SLC6A17: variants seen among roughly 807,000 people sequenced by gnomAD.
SLC6A17 encodes solute carrier family 6 member 17.
Under a neutral mutation model 64.5 loss-of-function variants are expected in SLC6A17, and 21 were observed. The ratio of observed to expected loss-of-function variants is 0.33; its 90% CI spans 0.23 to 0.47. The LOEUF is 0.47. Among genes scored for constraint, SLC6A17 ranks in the 20% least tolerant of loss-of-function variants. SLC6A17 has a pLI of 1.00. For synonymous variants in SLC6A17, 372 were observed against 399.5 expected (o/e 0.93, Z 0.82); for missense variants, 682 against 963.2 (o/e 0.71, Z 3.86).
chr1:110,172,711 A>C (rs1405184882), intron 3 of SLC6A17, among the ~76,000 whole-genome samples: 1 of 152,162 alleles, frequency 6.6e-6, no homozygotes, highest in African/African-American at 2.4e-5. Context: ...GAGAACTTAC[A>C]CAGGAAACTT....
chr1:110,157,322 C>G (rs1655784656), intron 1 of SLC6A17, among the ~76,000 whole-genome samples: 1 of 152,130 alleles, frequency 6.6e-6, no homozygotes. Context: ...CACCTGTAAT[C>G]CCAGCATTTT....
At chr1:110,153,063 G>T (rs1046509069) in intron 1 of SLC6A17, among the ~76,000 whole-genome samples, 2 of 152,128 alleles carry the variant, frequency 1.3e-5, no homozygotes, top group African/African-American at 2.4e-5. Flanking sequence ...TTGGGGTAGG[G>T]GTGGGGTTCA....
In SLC6A17 at chr1:110,198,178, C is replaced by T; in HGVS notation, c.1918C>T (p.His640Tyr). 6.2e-7 allele frequency: 1 copy of T among 1,614,122 alleles called. No individual in the cohort carries two copies. Among genetic ancestry groups the T allele is most frequent in the Non-Finnish European group, 8.5e-7 (1 of 1,179,988 alleles). ...CATCCCTGTGGTGTTCGTCCTGCGG[C>T]ACTTCCACCTGCTCTCTGATGGCTC... ...LPIPVVFVLR[H>Y]FHLLSDGSNT... The change falls in exon 12 of 12, where the codon CAC becomes TAC. Residue 640 changes from histidine to tyrosine, a missense_variant. His to Tyr is a moderately conservative substitution (Grantham distance 83). Transcript: ENST00000331565.
At chr1:110,194,898 A>T (rs1230339479) in intron 9 of SLC6A17, 127 bp downstream of exon 9, 1 of 1,173,840 alleles carries the variant, frequency 8.5e-7, no homozygotes, top group Non-Finnish European at 1.2e-6. Flanking sequence ...ACTGGGACAC[A>T]GCTGGAGCCT....
intron 11 of SLC6A17, 148 bp from the exon 12 acceptor site, chr1:110,197,928 C>T (rs1657013877): frequency 3.7e-6 from 5 of 1,366,896 alleles, no homozygotes; most frequent in South Asian, 1.4e-5. Context: ...ACCAGGTAAA[C>T]CCCCATCCTT....
rs1656851367 is a variant in SLC6A17, at chr1:110,192,411, G to A, written c.1107-95G>A. On this transcript the variant is annotated intron_variant, in intron 7 of 11. Transcript: ENST00000331565. The surrounding 1 kb of genome is among the most constrained non-coding windows in gnomAD (Gnocchi z 4.3). ...AGAGATGCCTCTGTCAGTGACCCAT[G>A]AGGTTCCCACCTGGGTGCCTGGGAA... 2.0e-6 allele frequency: 3 copies of A among 1,494,302 alleles called. No individual in the cohort carries two copies. The highest frequency in any genetic ancestry group is 1.8e-6 in the Non-Finnish European group (2 of 1,104,374). 92.6% of individuals were successfully genotyped at this position (1,494,302 alleles called of 1,614,324 possible).
rs1657090774 is a variant in SLC6A17, at chr1:110,200,309, G to C, written c.*1865G>C. 2.6e-6 allele frequency: 1 copy of C among 379,590 alleles called. No homozygotes were observed. Among genetic ancestry groups the C allele is most frequent in the African/African-American group, 2.3e-5 (1 of 42,784 alleles). The allele number at this position is 379,590 out of a possible 1,614,324, so 23.5% of individuals were successfully genotyped here. On this transcript the variant is annotated 3_prime_UTR_variant, in exon 12 of 12. Transcript: ENST00000331565. ...CCTGTCTTTCCTGAGTGTTTGAGGG[G>C]AGAGAGAGACCCACATCTCCCCAAA...
chr1:110,174,194 G>GTGT (rs1656313266), intron 4 of SLC6A17, 95 bp downstream of exon 4: 1 of 1,511,008 alleles, frequency 6.6e-7, no homozygotes, highest in Non-Finnish European at 8.9e-7. Context: ...CAGACTTGTT[G>GTGT]TGTCCCCTTG....
rs1429379004 is a variant in SLC6A17, at chr1:110,200,661, AG to A, written c.*2218del. On this transcript the variant is annotated 3_prime_UTR_variant, in exon 12 of 12. Coordinates refer to ENST00000331565, the MANE Select transcript of SLC6A17 (RefSeq NM_001010898.4). The stretch of plus-strand genomic sequence containing the variant: ...GTAGCGTGTGGCTGGGCCAGGCCCC[AG>A]CGGGAGGGGCTGAGCTGGGGCTGTG... 2 of 152,382 alleles carry A rather than the reference AG, an allele frequency of 1.3e-5. No individual in the cohort carries two copies. The highest frequency in any genetic ancestry group is 4.8e-5 in the African/African-American group (2 of 41,536). 9.4% of individuals were successfully genotyped at this position (152,382 alleles called of 1,614,324 possible). A position where few individuals can be genotyped will look rare whatever the true frequency, so the allele number is the denominator to read the frequency against.
chr1:110,196,794 C>T (rs915605863), intron 10 of SLC6A17, among the ~76,000 whole-genome samples: 15 of 152,090 alleles, frequency 9.9e-5, no homozygotes, highest in African/African-American at 3.1e-4. Flanking sequence ...TGAAAATCAG[C>T]GATGACTCAA....
intron 10 of SLC6A17, among the ~76,000 whole-genome samples, chr1:110,196,427 G>C (rs1392578709): frequency 6.6e-6 from 1 of 152,142 alleles, no homozygotes; most frequent in Non-Finnish European, 1.5e-5. Flanking sequence ...TTGGCAGTGG[G>C]GCTCTTTCAC....
chr1:110,176,443 T>C (rs1557835308), intron 5 of SLC6A17, among the ~76,000 whole-genome samples, 186 bp from the exon 6 acceptor site: 1 of 152,202 alleles, frequency 6.6e-6, no homozygotes, highest in Non-Finnish European at 1.5e-5. Context: ...CAGCTTGTCC[T>C]GTTCCTGCTT....
chr1:110,194,868 C>T, intron 9 of SLC6A17, 97 bp downstream of exon 9: 1 of 1,441,264 alleles, frequency 6.9e-7, no homozygotes, highest in Non-Finnish European at 9.5e-7. Flanking sequence ...TGACCCCACA[C>T]CCAGAAGGCT....
intron 1 of SLC6A17, among the ~76,000 whole-genome samples, chr1:110,153,080 C>T (rs768439299): frequency 4.0e-4 from 61 of 152,284 alleles, no homozygotes; most frequent in African/African-American, 1.3e-3. Flanking sequence ...TTCAGCTGTG[C>T]TGGGTCTGCT....
At chr1:110,164,177 G>T (rs534122671) in intron 1 of SLC6A17, among the ~76,000 whole-genome samples, 3 of 152,198 alleles carry the variant, frequency 2.0e-5, no homozygotes, top group African/African-American at 7.2e-5. Context: ...GGAAATGTAT[G>T]TCAGGTGAGT....
intron 2 of SLC6A17, among the ~76,000 whole-genome samples, chr1:110,170,415 C>T (rs899065719): frequency 2.0e-5 from 3 of 152,306 alleles, no homozygotes; most frequent in Middle Eastern, 3.4e-3. Context: ...ACCCGGGAGG[C>T]AGAGCTTGCA....
intron 1 of SLC6A17, among the ~76,000 whole-genome samples, chr1:110,160,014 G>A (rs1395463627): frequency 3.9e-5 from 6 of 152,182 alleles, no homozygotes; most frequent in African/African-American, 1.4e-4. Flanking sequence ...ACACAAACCC[G>A]ACAAATCTGT....
At chr1:110,186,258 C>T (rs993551874) in intron 6 of SLC6A17, among the ~76,000 whole-genome samples, 1 of 152,010 alleles carries the variant, frequency 6.6e-6, no homozygotes, top group South Asian at 2.1e-4. Flanking sequence ...GAGTGGCTGC[C>T]TCCATTTATG....
At chr1:110,180,150 G>A (rs1656483639) in intron 6 of SLC6A17, among the ~76,000 whole-genome samples, 1 of 152,184 alleles carries the variant, frequency 6.6e-6, no homozygotes, top group Non-Finnish European at 1.5e-5. Flanking sequence ...CAGCTGGCAA[G>A]AAGCAGAGGC....
Sources: allele counts gnomAD v4.1 joint callset (sites outside exome capture counted in the v4.1 genomes callset), GRCh38; gene constraint gnomAD v4.1.1; non-coding constraint Gnocchi (gnomAD v3.1); transcripts MANE v1.5; gene names NCBI Gene and HGNC (gene_info 2026-07-23, HGNC 2026-07-21).